Variants in MAD1L1 observed in about 807,000 individuals in gnomAD.
MAD1L1 encodes mitotic arrest deficient 1 like 1.
Under a neutral mutation model 96.9 loss-of-function variants are expected in MAD1L1, and 95 were observed. The observed-to-expected ratio is 0.98, with a 90% CI of 0.83 to 1.16. The LOEUF is 1.16. MAD1L1 is among the 50% of genes most tolerant of loss of function. The pLI is 0.00. For synonymous variants in MAD1L1, 473 were observed against 396.6 expected (o/e 1.19, Z -2.29); for missense variants, 1,007 against 954.4 (o/e 1.06, Z -0.73).
intron 11 of MAD1L1, chr7:2,079,751 G>T (rs1430740452): frequency 2.1e-6 from 1 of 470,966 alleles, no homozygotes; most frequent in South Asian, 1.5e-5. Flanking sequence ...GCCCCGGCAA[G>T]CACGGCCGCA....
intron 11 of MAD1L1, among the ~76,000 whole-genome samples, chr7:2,070,598 G>C (rs918484637): frequency 1.3e-5 from 2 of 152,232 alleles, no homozygotes; most frequent in African/African-American, 4.8e-5. Flanking sequence ...GGCAGGCGCA[G>C]AGCGGAACGG....
intron 11 of MAD1L1, among the ~76,000 whole-genome samples, chr7:2,120,682 CATA>C (rs1409078265): frequency 1.3e-5 from 2 of 152,236 alleles, no homozygotes; most frequent in Admixed American, 1.3e-4. Flanking sequence ...GTTTCAGAAA[CATA>C]ATAATTATCT....
chr7:2,052,520 G>A (rs1442365406), intron 12 of MAD1L1, among the ~76,000 whole-genome samples: 1 of 152,004 alleles, frequency 6.6e-6, no homozygotes, highest in African/African-American at 2.4e-5. Context: ...CTGGGGCCCG[G>A]GCACGGTGCC....
At chr7:2,080,189 C>T (rs1785569630) in intron 11 of MAD1L1, among the ~76,000 whole-genome samples, 1 of 152,232 alleles carries the variant, frequency 6.6e-6, no homozygotes, top group African/African-American at 2.4e-5. Context: ...GAAAGTTTTC[C>T]TGGAACAAAG....
chr7:1,838,509 G>A (rs1355883748), intron 18 of MAD1L1: 7 of 326,888 alleles, frequency 2.1e-5, no homozygotes, highest in South Asian at 1.3e-4. Flanking sequence ...GTAACAAATG[G>A]AGCGTCAGCA....
At chr7:2,173,381 AC>A (rs1026055876) in intron 10 of MAD1L1, among the ~76,000 whole-genome samples, 3 of 152,166 alleles carry the variant, frequency 2.0e-5, no homozygotes, top group African/African-American at 7.2e-5. Context: ...CTAGCTGAGC[AC>A]AGCTGGGTGC....
chr7:2,188,176 G>C (rs1637750), intron 10 of MAD1L1, among the ~76,000 whole-genome samples: 1 of 152,020 alleles, frequency 6.6e-6, no homozygotes, highest in Admixed American at 6.6e-5. Context: ...ATTTTAGTAC[G>C]ACAGTTTGAA....
rs1006417308 is a variant in MAD1L1, at chr7:1,815,919, C to T, written c.*151G>A. The T allele has an allele frequency of 1.2e-5, 11 of 932,070 alleles. No homozygotes were observed. Among genetic ancestry groups the T allele is most frequent in the Non-Finnish European group, 1.7e-5 (11 of 641,792 alleles). The allele number at this position is 932,070 out of a possible 1,614,324, so 57.7% of individuals were successfully genotyped here. On this transcript the variant is annotated 3_prime_UTR_variant, in exon 19 of 19. Transcript: ENST00000265854. ...GGGTGCTGGCCGCCCCAGCAGGAAG[C>T]CCGACGTAGGTCCCAGCGTGTCTGT...
intron 12 of MAD1L1, among the ~76,000 whole-genome samples, chr7:2,066,394 C>A (rs945719554): frequency 1.3e-5 from 2 of 152,224 alleles, no homozygotes; most frequent in Non-Finnish European, 2.9e-5. Context: ...GCTGGCTGGA[C>A]GGATCCTGCA....
At chr7:2,188,614 G>A (rs1791570544) in intron 10 of MAD1L1, among the ~76,000 whole-genome samples, 1 of 152,174 alleles carries the variant, frequency 6.6e-6, no homozygotes, top group South Asian at 2.1e-4. Context: ...AACACATGGT[G>A]CTGGAAAACT....
intron 15 of MAD1L1, among the ~76,000 whole-genome samples, chr7:1,964,868 C>T (rs1262036651): frequency 2.0e-5 from 3 of 152,164 alleles, no homozygotes; most frequent in African/African-American, 2.4e-5. Flanking sequence ...GCCTGGGTGC[C>T]GCAGGTGAGG....
At chr7:2,208,737 A>G (rs1370887104) in intron 10 of MAD1L1, among the ~76,000 whole-genome samples, 2 of 151,948 alleles carry the variant, frequency 1.3e-5, no homozygotes, top group African/African-American at 4.8e-5. Flanking sequence ...GCCTCACGCC[A>G]TCTTTCCCAC....
At chr7:2,140,476 G>C (rs1210401184) in intron 11 of MAD1L1, among the ~76,000 whole-genome samples, 1 of 152,256 alleles carries the variant, frequency 6.6e-6, no homozygotes, top group East Asian at 1.9e-4. Flanking sequence ...AGGCCAACCA[G>C]GGCAGGGACG....
intron 18 of MAD1L1, among the ~76,000 whole-genome samples, chr7:1,882,665 C>T (rs1056314728): frequency 6.6e-6 from 1 of 152,216 alleles, no homozygotes; most frequent in African/African-American, 2.4e-5. Flanking sequence ...CACACACCTG[C>T]ACAGGGAGCA....
intron 12 of MAD1L1, among the ~76,000 whole-genome samples, chr7:2,025,150 T>C (rs1366295792): frequency 6.6e-6 from 1 of 152,250 alleles, no homozygotes; most frequent in Non-Finnish European, 1.5e-5. Context: ...ATGAGAGCTC[T>C]ATGCTGTCTT....
At chr7:2,068,710 A>G (rs1312956039) in intron 12 of MAD1L1, among the ~76,000 whole-genome samples, 2 of 152,230 alleles carry the variant, frequency 1.3e-5, no homozygotes, top group Admixed American at 6.5e-5. Context: ...TCACGGTGCC[A>G]GGCATCAGAA....
chr7:2,058,876 C>T (rs878894380), intron 12 of MAD1L1, among the ~76,000 whole-genome samples: 62 of 53,320 alleles, frequency 1.2e-3, no homozygotes, highest in African/African-American at 4.0e-3. Flanking sequence ...AGGAGAGGCG[C>T]GGGGCTAGAG....
chr7:2,026,073 G>A (rs1476632393), intron 12 of MAD1L1, among the ~76,000 whole-genome samples: 2 of 152,042 alleles, frequency 1.3e-5, no homozygotes, highest in African/African-American at 4.8e-5. Flanking sequence ...TATATTTATA[G>A]TATACTACAT....
rs114799890 is a variant in MAD1L1, at chr7:2,172,972, T to A, written c.987-23734A>T. ...TGCCTCTGGCTGAGACTACAGCACC[T>A]GCTAGCATGCCCCTGGCATTCCCAG... On this transcript the variant is annotated intron_variant, in intron 10 of 18. Coordinates refer to ENST00000265854, the MANE Select transcript of MAD1L1 (RefSeq NM_001013836.2). 6.6e-3 allele frequency among the ~76,000 whole-genome samples: 1,001 copies of A among 152,352 alleles called. 13 individuals are homozygous for A. The highest frequency in any genetic ancestry group is 0.022 in the African/African-American group (929 of 41,588).
Sources: allele counts gnomAD v4.1 joint callset (sites outside exome capture counted in the v4.1 genomes callset), GRCh38; gene constraint gnomAD v4.1.1; transcripts MANE v1.5; gene names NCBI Gene and HGNC (gene_info 2026-07-23, HGNC 2026-07-21).